The following SEC14L1 variants were observed in gnomAD, a reference collection of about 807,000 sequenced individuals.
SEC14L1 encodes SEC14 like lipid binding 1, also known as SEC14-like protein 1.
Under a neutral mutation model 85.3 loss-of-function variants are expected in SEC14L1, and 48 were observed. That is an observed-to-expected ratio of 0.56 (90% CI 0.45 to 0.72). The LOEUF (loss-of-function observed/expected upper bound fraction) is 0.72, where lower values mean the gene tolerates loss of function less well. SEC14L1 is among the 30% of genes least tolerant of loss of function. SEC14L1 has a pLI of 0.00. For missense variants in SEC14L1, 682 were observed against 921.4 expected (o/e 0.74, Z 3.36); for synonymous variants, 391 against 355.5 (o/e 1.10, Z -1.12).
At chr17:77,177,270 G>A (rs73998639) in intron 3 of SEC14L1, among the ~76,000 whole-genome samples, 2,624 of 151,272 alleles carry the variant, frequency 0.017, 90 homozygotes, top group African/African-American at 0.06. Flanking sequence ...TAGAGCCCCC[G>A]GGCTGATGTC....
Sources: gnomAD v4.1 joint callset for allele counts (sites outside exome capture counted in the v4.1 genomes callset) on GRCh38, gnomAD v4.1.1 for gene constraint, MANE v1.5 for transcripts, NCBI Gene and HGNC (gene_info 2026-07-23, HGNC 2026-07-21) for gene names.